ZNF516: variants seen among roughly 807,000 people sequenced by gnomAD.
ZNF516 encodes zinc finger protein 516.
A neutral mutation model predicts 79.7 loss-of-function variants in ZNF516; 19 were observed. The observed-to-expected ratio is 0.24, with a 90% CI of 0.17 to 0.35. The LOEUF (loss-of-function observed/expected upper bound fraction) is 0.35. ZNF516 is among the 10% of genes least tolerant of loss of function. ZNF516 has a pLI of 1.00. For missense variants in ZNF516, 1,678 were observed against 1,679.5 expected (o/e 1.00, Z 0.02); for synonymous variants, 877 against 739.5 (o/e 1.19, Z -3.02).
chr18:76,405,107 A>T (rs1354967189), intron 3 of ZNF516, among the ~76,000 whole-genome samples: 1 of 152,150 alleles, frequency 6.6e-6, no homozygotes, highest in Non-Finnish European at 1.5e-5. Flanking sequence ...CTGATGAACC[A>T]GCCTCCCGAG....
At position 76,441,394 on chromosome 18, in the gene ZNF516, G is replaced by A. The variant is rs1466461268; in HGVS notation, c.1661C>T (p.Ala554Val). 9 of 1,609,162 alleles carry A rather than the reference G, an allele frequency of 5.6e-6. No individual in the cohort carries two copies. Among genetic ancestry groups the A allele is most frequent in the East Asian group, 4.5e-5 (2 of 44,782 alleles). The change falls in exon 3 of 7, where the codon GCC becomes GTC. Residue 554 changes from alanine (A) to valine (V), a missense_variant. Ala to Val is a moderately conservative substitution (Grantham distance 64, BLOSUM62 0). Transcript: ENST00000443185. ...RDSDGDRAAR[A>V]RCGSLSEGDS... ...ACCCTCACTGAGTGATCCGCAGCGG[G>A]CCCGCGCCGCCCTGTCCCCGTCACT... is the stretch of plus-strand genomic sequence containing the variant.
At chr18:76,369,612 C>G (rs1291672090) in intron 6 of ZNF516, among the ~76,000 whole-genome samples, 2 of 152,092 alleles carry the variant, frequency 1.3e-5, no homozygotes, top group Non-Finnish European at 2.9e-5. Flanking sequence ...CTTGAGATCC[C>G]TTGGAGGTCT....
chr18:76,380,916 G>A (rs1485606270), intron 3 of ZNF516, among the ~76,000 whole-genome samples: 2 of 152,230 alleles, frequency 1.3e-5, no homozygotes, highest in African/African-American at 4.8e-5. Flanking sequence ...CCAAAACACT[G>A]ATGCCCCAAG....
intron 6 of ZNF516, among the ~76,000 whole-genome samples, chr18:76,367,614 A>G (rs1465772558): frequency 6.6e-6 from 1 of 152,014 alleles, no homozygotes; most frequent in South Asian, 2.1e-4. Context: ...AGGGACGCCC[A>G]TCCCTCCGCC....
Position 76,441,966 on chromosome 18 carries a change from G to A in ZNF516, c.1089C>T (p.Ser363=), listed in dbSNP as rs1166176900. The A allele has an allele frequency of 7.4e-6, 12 of 1,612,424 alleles. No individual in the cohort carries two copies. The highest frequency in any genetic ancestry group is 2.2e-5 in the East Asian group (1 of 44,854). ...HNAIHRRVEA[S]RTRAPAEEGA... ...CCTCCTCGGCCGGGGCGCGCGTGCG[G>A]CTGGCCTCGACTCTGCGGTGGATGG... Residue 363 remains serine, a synonymous_variant, in exon 3 of 7, where the codon AGC becomes AGT. Transcript: ENST00000443185.
In ZNF516 at chr18:76,378,589, C is replaced by T. The variant is rs1406142974; in HGVS notation, c.3259+266G>A. Among the ~76,000 whole-genome samples, 4 of 152,310 alleles carry T rather than the reference C, an allele frequency of 2.6e-5. No homozygotes were observed. In the East Asian group the frequency reaches 7.7e-4, roughly 29 times the overall value. On this transcript the variant is annotated intron_variant, in intron 4 of 6. Coordinates refer to ENST00000443185, the MANE Select transcript of ZNF516 (RefSeq NM_014643.4). ...AAGGAAGCCGTGCAGGGCTTGCGAC[C>T]TCCTCCCAGGGCCAACGTGCAGAGG...
At chr18:76,426,685 A>C (rs1275836264) in intron 3 of ZNF516, among the ~76,000 whole-genome samples, 1 of 152,250 alleles carries the variant, frequency 6.6e-6, no homozygotes, top group Non-Finnish European at 1.5e-5. Flanking sequence ...AAAACTGTGT[A>C]AAGGCCGATG....
rs910430019 is a variant in ZNF516, at chr18:76,480,494, TAC to T, written c.-272+14648_-272+14649del. 4.9e-3 allele frequency among the ~76,000 whole-genome samples: 647 copies of T among 130,954 alleles called. 4 individuals are homozygous for T. The highest frequency in any genetic ancestry group is 5.6e-3 in the Non-Finnish European group (356 of 63,508). 85.9% of individuals were successfully genotyped at this position (130,954 alleles called of 152,430 possible). A position where few individuals can be genotyped will look rare whatever the true frequency, so the allele number is the denominator to read the frequency against. ...ATATATACACACACACATATACACA[TAC>T]ACACACACACACACACACACACACA... On this transcript the variant is annotated intron_variant, in intron 1 of 6. Transcript: ENST00000443185.
At chr18:76,402,525 G>A (rs1056696306) in intron 3 of ZNF516, among the ~76,000 whole-genome samples, 1 of 152,166 alleles carries the variant, frequency 6.6e-6, no homozygotes, top group Non-Finnish European at 1.5e-5. Flanking sequence ...GCCCCTCAGG[G>A]ACCCAGGCTG....
chr18:76,476,865 T>A lies in ZNF516; in HGVS notation c.-271-13724A>T, dbSNP rs551868423. ...CTTGAGCCCCCCAGATGTATGCCGG[T>A]GCGGGGTGACTTGCTACGGAGGCTT... On this transcript the variant is annotated intron_variant, in intron 1 of 6. Coordinates refer to ENST00000443185, the MANE Select transcript of ZNF516 (RefSeq NM_014643.4). 2.0e-5 allele frequency among the ~76,000 whole-genome samples: 3 copies of A among 152,282 alleles called. No individual in the cohort carries two copies. In the East Asian group the frequency reaches 5.8e-4, roughly 29 times the overall value.
intron 3 of ZNF516, chr18:76,386,359 G>A (rs576043204): frequency 1.3e-5 from 2 of 152,308 alleles, no homozygotes; most frequent in South Asian, 2.1e-4. Flanking sequence ...TATTAACAGG[G>A]AGTGAGAAGT....
intron 2 of ZNF516, among the ~76,000 whole-genome samples, chr18:76,443,656 G>T (rs1911867678): frequency 6.6e-6 from 1 of 152,126 alleles, no homozygotes; most frequent in South Asian, 2.1e-4. Context: ...CACAGGTGGT[G>T]ACAACAGTTG....
intron 1 of ZNF516, among the ~76,000 whole-genome samples, chr18:76,478,602 T>C (rs1468760006): frequency 6.6e-6 from 1 of 152,208 alleles, no homozygotes; most frequent in East Asian, 1.9e-4. Context: ...TTAGATGACA[T>C]AGAGAATATA....
chr18:76,385,849 A>T (rs1172579968), intron 3 of ZNF516: 1 of 151,356 alleles, frequency 6.6e-6, no homozygotes, highest in Non-Finnish European at 1.5e-5. Context: ...CACCTGCAGG[A>T]GGTAGCGCCG....
chr18:76,374,520 G>C (rs938012276), intron 4 of ZNF516, among the ~76,000 whole-genome samples: 7 of 152,132 alleles, frequency 4.6e-5, no homozygotes, highest in Non-Finnish European at 8.8e-5. Flanking sequence ...GAACACATGT[G>C]GGGGCGGGGA....
Position 76,442,133 on chromosome 18 carries a change from G to A in ZNF516, c.922C>T (p.Pro308Ser), listed in dbSNP as rs199570810. The A allele has an allele frequency of 6.2e-7, 1 of 1,613,962 alleles. No individual in the cohort carries two copies. The highest frequency in any genetic ancestry group is 8.5e-7 in the Non-Finnish European group (1 of 1,179,884). ...GCGATGGGGTCCAGCTCACTCTTGG[G>A]CCTGTTCTTGCTGCCCGTCTTGGGG... ...HGPKTGSKNRPKSELDPIATI... is the reference protein window; with the variant it reads ...HGPKTGSKNRSKSELDPIATI... The change falls in exon 3 of 7, where the codon CCC (proline) becomes TCC (serine). Residue 308 changes from proline (P) to serine (S), a missense_variant. By Grantham distance (74) the Pro-to-Ser change is moderately conservative. Around this residue, in one of 5 missense-constraint regions of ZNF516, gnomAD observed 1,294 missense variants for 1,248.3 expected, o/e 1.04. Transcript: ENST00000443185.
At chr18:76,470,947 C>T (rs1258970235) in intron 1 of ZNF516, among the ~76,000 whole-genome samples, 2 of 152,194 alleles carry the variant, frequency 1.3e-5, no homozygotes, top group Admixed American at 6.5e-5. Flanking sequence ...AACAGTTCCA[C>T]AAAAACCTGA....
chr18:76,445,586 T>C (rs560467946), intron 2 of ZNF516, among the ~76,000 whole-genome samples: 1 of 152,316 alleles, frequency 6.6e-6, no homozygotes, highest in South Asian at 2.1e-4. Flanking sequence ...AACAATCATA[T>C]AGAAAATACG....
intron 3 of ZNF516, among the ~76,000 whole-genome samples, chr18:76,410,609 C>T (rs2075363021): frequency 6.6e-6 from 1 of 152,082 alleles, no homozygotes; most frequent in African/African-American, 2.4e-5. Flanking sequence ...GAGGAAAAAC[C>T]CTATGATTTT....
Sources: allele counts gnomAD v4.1 joint callset (sites outside exome capture counted in the v4.1 genomes callset), GRCh38; gene constraint gnomAD v4.1.1; regional missense constraint gnomAD v4.1.1; transcripts MANE v1.5; gene names NCBI Gene and HGNC (gene_info 2026-07-23, HGNC 2026-07-21).